The following HIVEP3 variants were observed in gnomAD, a reference collection of about 807,000 sequenced individuals.
The protein encoded by HIVEP3 is transcription factor HIVEP3.
A neutral mutation model predicts 152.8 loss-of-function variants in HIVEP3; 49 were observed. The observed-to-expected ratio is 0.32, with a 90% CI of 0.26 to 0.41. The LOEUF is 0.41. Ranked by LOEUF, HIVEP3 falls within the 10% of genes least tolerant of loss-of-function variation. The probability of loss-of-function intolerance (pLI) is 1.00; values close to 1 mark genes in which losing one functional copy is unlikely to be tolerated. For synonymous variants in HIVEP3, 1,269 were observed against 1,289.0 expected, an observed-to-expected ratio of 0.98 and a Z score of 0.33; for missense variants, 2,790 against 3,103.3, an observed-to-expected ratio of 0.90 and a Z score of 2.40.
intron 5 of HIVEP3, among the ~76,000 whole-genome samples, chr1:41,558,501 A>C (rs1644003948): frequency 6.6e-6 from 1 of 152,108 alleles, no homozygotes; most frequent in South Asian, 2.1e-4. Context: ...TGACATTCTG[A>C]AAGTTTGTAG....
intron 2 of HIVEP3, among the ~76,000 whole-genome samples, chr1:41,646,827 G>C (rs1645467859): frequency 6.6e-6 from 1 of 152,196 alleles, no homozygotes; most frequent in Admixed American, 6.5e-5. Context: ...TATTATCTGA[G>C]AGGTCTGGAG....
intron 2 of HIVEP3, among the ~76,000 whole-genome samples, chr1:41,698,744 C>G (rs1646314985): frequency 6.6e-6 from 1 of 152,106 alleles, no homozygotes; most frequent in Non-Finnish European, 1.5e-5. Flanking sequence ...GCCAGTGCTC[C>G]TGGCCCCACC....
chr1:41,642,929 G>A (rs572319603), intron 2 of HIVEP3, among the ~76,000 whole-genome samples: 86 of 152,118 alleles, frequency 5.7e-4, no homozygotes, highest in Non-Finnish European at 4.3e-4. Context: ...TCTGAGGCAT[G>A]TGTGGAAGTC....
rs1229359049 is a variant in HIVEP3, at chr1:41,508,937, T to C, written c.*1514A>G. 4.6e-5 allele frequency: 7 copies of C among 152,242 alleles called. No homozygotes were observed. The highest frequency in any genetic ancestry group is 1.3e-4 in the Admixed American group (2 of 15,290). 9.4% of individuals were successfully genotyped at this position (152,242 alleles called of 1,614,324 possible). ...GTAAAGAAAATCAGTTCTGAAACAC[T>C]GGGAAAAAGCTCACCTCTCCCAGTT... On this transcript the variant is annotated 3_prime_UTR_variant, in exon 9 of 9. Coordinates refer to ENST00000372583, the MANE Select transcript of HIVEP3 (RefSeq NM_024503.5).
At chr1:41,972,844 C>T (rs1354082217) in intron 1 of HIVEP3, among the ~76,000 whole-genome samples, 2 of 152,126 alleles carry the variant, frequency 1.3e-5, no homozygotes, top group Non-Finnish European at 2.9e-5. Context: ...CCTTTAAGCA[C>T]TTTTTCTCTG....
chr1:41,988,738 C>A (rs1645339349), intron 1 of HIVEP3, among the ~76,000 whole-genome samples: 2 of 152,120 alleles, frequency 1.3e-5, no homozygotes, highest in Admixed American at 6.5e-5. Context: ...GAAATAAAAT[C>A]AGTATGTTGA....
At chr1:41,579,686 C>T in intron 4 of HIVEP3, 51 bp downstream of exon 4, 1 of 1,510,100 alleles carries the variant, frequency 6.6e-7, no homozygotes, top group Non-Finnish European at 8.9e-7. Flanking sequence ...TAAAAGCTCG[C>T]CAAGTGCTTT....
chr1:41,519,291 T>C (rs1642695129), intron 6 of HIVEP3, among the ~76,000 whole-genome samples: 1 of 152,186 alleles, frequency 6.6e-6, no homozygotes, highest in South Asian at 2.1e-4. Context: ...CCCCAAGTTG[T>C]AGGTCCAGCC....
chr1:41,741,418 C>A lies in HIVEP3; in HGVS notation c.-800-40423G>T, dbSNP rs756886996. Among the ~76,000 whole-genome samples, 4 of 152,338 alleles carry A rather than the reference C, an allele frequency of 2.6e-5. No individual in the cohort carries two copies. In the East Asian group the frequency reaches 7.7e-4, roughly 29 times the overall value. ...GGTGGGAGTGGGAGGTGCTCTCCTG[C>A]GGAGTCCTGACCCATCCCCACTCTC... On this transcript the variant is annotated intron_variant, in intron 1 of 8. Coordinates refer to ENST00000372583, the MANE Select transcript of HIVEP3 (RefSeq NM_024503.5).
At position 41,768,263 on chromosome 1, in the gene HIVEP3, G is replaced by A. The variant is rs569558657; in HGVS notation, c.-800-67268C>T. Reference sequence around the variant, plus strand: ...AATCACATCTTACATGGATGACAGCGGACAAGGAGAGAAAGCTTGTATGGG... The same window carrying A: ...AATCACATCTTACATGGATGACAGCAGACAAGGAGAGAAAGCTTGTATGGG... On this transcript the variant is annotated intron_variant, in intron 1 of 8. Coordinates refer to ENST00000372583, the MANE Select transcript of HIVEP3 (RefSeq NM_024503.5). 7.9e-5 allele frequency among the ~76,000 whole-genome samples: 12 copies of A among 152,276 alleles called. No individual in the cohort carries two copies. The South Asian group carries it at 1.5e-3, about 18-fold the overall frequency.
intron 2 of HIVEP3, among the ~76,000 whole-genome samples, chr1:41,635,489 TACACACAC>T (rs56335707): frequency 1.2e-4 from 17 of 147,300 alleles, no homozygotes; most frequent in South Asian, 4.3e-4. Flanking sequence ...TATATATATA[TACACACAC>T]ATATATACAT....
At chr1:42,017,554 C>G (rs778596495) in intron 1 of HIVEP3, among the ~76,000 whole-genome samples, 1 of 152,058 alleles carries the variant, frequency 6.6e-6, no homozygotes, top group Non-Finnish European at 1.5e-5. Context: ...GCTTCTTTTT[C>G]TCAGCATTAT....
At chr1:41,558,993 T>C (rs1481961234) in intron 5 of HIVEP3, among the ~76,000 whole-genome samples, 1 of 152,134 alleles carries the variant, frequency 6.6e-6, no homozygotes, top group East Asian at 1.9e-4. Flanking sequence ...TTCTGCTGGC[T>C]GCTGGGCCCC....
intron 1 of HIVEP3, among the ~76,000 whole-genome samples, chr1:42,011,752 C>T (rs961424645): frequency 6.6e-6 from 1 of 152,212 alleles, no homozygotes; most frequent in Non-Finnish European, 1.5e-5. Context: ...ACTACGAGCT[C>T]CTTTCGGTTC....
chr1:41,532,372 C>T (rs765659385), intron 5 of HIVEP3, among the ~76,000 whole-genome samples: 2 of 151,958 alleles, frequency 1.3e-5, no homozygotes, highest in Non-Finnish European at 2.9e-5. Flanking sequence ...CCCGGAGCAA[C>T]GGCAGAGTGT....
rs148461947 is a variant in HIVEP3 at position 41,582,180 on chromosome 1, G to A, written c.2618C>T (p.Pro873Leu). 2.0e-4 allele frequency: 324 copies of A among 1,613,994 alleles called. No individual in the cohort carries two copies. The highest frequency in any genetic ancestry group is 2.6e-4 in the Non-Finnish European group (301 of 1,179,970). ...AGTCTTCTCAGGTTCCTTAGGGGGC[G>A]GCTCTGGCTCTGTGTCCGGCCGGTC... ...EPDRPDTEPEPPPKEPEKTEE... is the reference protein window; with the variant it reads ...EPDRPDTEPELPPKEPEKTEE... The change falls in exon 4 of 9, where the codon CCG becomes CTG. Residue 873 changes from proline (P) to leucine (L), a missense_variant. Physicochemically the swap from Pro to Leu is moderately conservative, Grantham distance 98 (BLOSUM62 -3). Coordinates refer to ENST00000372583, the MANE Select transcript of HIVEP3 (RefSeq NM_024503.5). The surrounding 1 kb of genome is among the most constrained non-coding windows in gnomAD (Gnocchi z 4.7).
chr1:41,560,971 T>C (rs1644051315), intron 5 of HIVEP3, among the ~76,000 whole-genome samples: 2 of 152,230 alleles, frequency 1.3e-5, no homozygotes, highest in Admixed American at 6.5e-5. Context: ...TGAGGTCCTT[T>C]GACCTTCAAG....
At chr1:41,963,239 C>T (rs1242175180) in intron 1 of HIVEP3, among the ~76,000 whole-genome samples, 1 of 152,100 alleles carries the variant, frequency 6.6e-6, no homozygotes, top group Non-Finnish European at 1.5e-5. Context: ...TCTCGATCTC[C>T]TGACCTCGTG....
chr1:42,012,010 C>T (rs1364624432), intron 1 of HIVEP3, among the ~76,000 whole-genome samples: 1 of 152,172 alleles, frequency 6.6e-6, no homozygotes, highest in East Asian at 1.9e-4. Context: ...CTGCTCCTCT[C>T]ACCCCACCTC....
Sources: gnomAD v4.1 joint callset for allele counts (sites outside exome capture counted in the v4.1 genomes callset) on GRCh38, gnomAD v4.1.1 for gene constraint, Gnocchi (gnomAD v3.1) non-coding constraint, MANE v1.5 for transcripts, NCBI Gene and HGNC (gene_info 2026-07-23, HGNC 2026-07-21) for gene names.